Variants in SCOC observed in about 807,000 individuals in gnomAD.
SCOC encodes the protein short coiled coil protein.
Under a neutral mutation model 9.9 loss-of-function variants are expected in SCOC, and 7 were observed. The observed-to-expected ratio is 0.71, with a 90% CI of 0.40 to 1.33. SCOC has a LOEUF of 1.33. Ranked by LOEUF, SCOC falls within the 40% of genes most tolerant of loss-of-function variation. The probability of loss-of-function intolerance (pLI) is 0.01; values close to 1 mark genes in which losing one functional copy is unlikely to be tolerated. For missense variants in SCOC, 66 were observed against 89.7 expected (o/e 0.74, Z 1.07); for synonymous variants, 19 against 28.2 (o/e 0.67, Z 1.03).
intron 1 of SCOC, among the ~76,000 whole-genome samples, chr4:140,309,167 T>C (rs1732078713): frequency 6.6e-6 from 1 of 152,108 alleles, no homozygotes; most frequent in African/African-American, 2.4e-5. Flanking sequence ...GTTTTACAGG[T>C]GAAGAAACTG....
At chr4:140,291,208 G>A (rs973714731) in intron 1 of SCOC, among the ~76,000 whole-genome samples, 3 of 152,212 alleles carry the variant, frequency 2.0e-5, no homozygotes, top group Non-Finnish European at 4.4e-5. Flanking sequence ...ATATTCTTAA[G>A]TGTGGTATTG....
At chr4:140,371,870 C>T (rs2126582295), upstream of SCOC, among the ~76,000 whole-genome samples, 1 of 152,258 alleles carries the variant, frequency 6.6e-6, no homozygotes, top group Non-Finnish European at 1.5e-5. Flanking sequence ...TAAGCGTCCA[C>T]TGATAGATGA....
intron 2 of SCOC, among the ~76,000 whole-genome samples, chr4:140,346,255 A>C (rs975180778): frequency 6.6e-6 from 1 of 152,160 alleles, no homozygotes; most frequent in African/African-American, 2.4e-5. Flanking sequence ...AACTGTAAGG[A>C]TTATAGGCCC....
Position 140,262,441 on chromosome 4 carries a change from T to C in SCOC, c.-19+5031T>C, listed in dbSNP as rs1730652353. On this transcript the variant is annotated intron_variant, in intron 1 of 4. Transcript: ENST00000394205. ...CTCCATGTTGAAGACCTCCTATCTT[T>C]GGCACATTGGATTAAAACTATAATC... Among the ~76,000 whole-genome samples the C allele has an allele frequency of 2.0e-5, 3 of 152,314 alleles. No individual in the cohort carries two copies. The South Asian group carries it at 6.2e-4, about 32-fold the overall frequency.
At chr4:140,276,900 C>T (rs35737058) in intron 1 of SCOC, among the ~76,000 whole-genome samples, 13,757 of 152,128 alleles carry the variant, frequency 0.09, 984 homozygotes, top group East Asian at 0.28. Flanking sequence ...TATTGGACTG[C>T]AGATCAAGAA....
chr4:140,287,088 T>G (rs1731295816), intron 1 of SCOC, among the ~76,000 whole-genome samples: 1 of 150,018 alleles, frequency 6.7e-6, no homozygotes, highest in Non-Finnish European at 1.5e-5. Context: ...CATGCACATA[T>G]AGATACCATA....
intron 2 of SCOC, among the ~76,000 whole-genome samples, chr4:140,348,592 AT>A (rs1726845134): frequency 6.6e-6 from 1 of 150,544 alleles, no homozygotes; most frequent in Admixed American, 6.7e-5. Context: ...ACACACACAC[AT>A]CACATTTTCT....
At chr4:140,313,614 A>G (rs1364736042) in intron 1 of SCOC, among the ~76,000 whole-genome samples, 1 of 152,136 alleles carries the variant, frequency 6.6e-6, no homozygotes. Flanking sequence ...CAGAAAATTG[A>G]TATCTTTTAT....
At chr4:140,379,541 A>G in intron 2 of SCOC, 28 bp from the exon 3 acceptor site, 1 of 1,506,486 alleles carries the variant, frequency 6.6e-7, no homozygotes, top group Non-Finnish European at 9.2e-7. Context: ...ATGCTAATTA[A>G]TAGTAAATTT....
rs574997483 is a variant in SCOC, at chr4:140,277,330, TA to T, written c.-19+19921del. 1.5e-3 allele frequency among the ~76,000 whole-genome samples: 234 copies of T among 151,902 alleles called. 4 individuals are homozygous for T. The highest frequency in any genetic ancestry group is 5.5e-3 in the African/African-American group (229 of 41,440). ...TGTATGAGTTGGGGGGGGCAGGGGG[TA>T]GGGGAGCTGTTGTGAATCACCAAGT... On this transcript the variant is annotated intron_variant, in intron 1 of 4. Coordinates refer to the SCOC transcript ENST00000394205.
chr4:140,266,839 T>C (rs755875880), intron 1 of SCOC, among the ~76,000 whole-genome samples: 1 of 152,054 alleles, frequency 6.6e-6, no homozygotes, highest in South Asian at 2.1e-4. Flanking sequence ...AGAGAAAAAG[T>C]AAGGGAGAGA....
intron 1 of SCOC, among the ~76,000 whole-genome samples, chr4:140,274,710 T>A (rs1364030046): frequency 6.6e-6 from 1 of 152,184 alleles, no homozygotes; most frequent in African/African-American, 2.4e-5. Context: ...AAGACCTGGG[T>A]TATCACTTTT....
At chr4:140,347,231 T>G (rs1467303804) in intron 2 of SCOC, among the ~76,000 whole-genome samples, 4 of 152,160 alleles carry the variant, frequency 2.6e-5, no homozygotes, top group Non-Finnish European at 4.4e-5. Context: ...TCTAAACACT[T>G]AATATATGGA....
At chr4:140,373,800 G>A (rs1728185030) in intron 1 of SCOC, 83 bp downstream of exon 1, 3 of 1,401,612 alleles carry the variant, frequency 2.1e-6, no homozygotes, top group East Asian at 5.0e-5. Context: ...CCTGGAGGGC[G>A]GGGCGGGCTG....
At chr4:140,279,934 C>T (rs953895828) in intron 1 of SCOC, among the ~76,000 whole-genome samples, 2 of 152,144 alleles carry the variant, frequency 1.3e-5, no homozygotes, top group African/African-American at 4.8e-5. Context: ...GATGGATGCT[C>T]TAGCTTTCAA....
intron 2 of SCOC, among the ~76,000 whole-genome samples, chr4:140,347,111 G>A (rs1043161870): frequency 6.6e-6 from 1 of 152,102 alleles, no homozygotes; most frequent in African/African-American, 2.4e-5. Flanking sequence ...AAATAAGTGC[G>A]TTCCTTTAAG....
chr4:140,331,057 G>T (rs1732803298), intron 1 of SCOC, among the ~76,000 whole-genome samples: 1 of 152,174 alleles, frequency 6.6e-6, no homozygotes, highest in African/African-American at 2.4e-5. Flanking sequence ...CTCTGTGCAA[G>T]GCTAACATCC....
upstream of SCOC, among the ~76,000 whole-genome samples, chr4:140,342,574 G>A (rs1245484863): frequency 6.6e-6 from 1 of 151,792 alleles, no homozygotes; most frequent in East Asian, 1.9e-4. Context: ...GCTTGATATA[G>A]TAACAATGAA....
At chr4:140,327,636 GTT>G (rs1441474089) in intron 1 of SCOC, among the ~76,000 whole-genome samples, 2 of 152,136 alleles carry the variant, frequency 1.3e-5, no homozygotes, top group South Asian at 4.1e-4. Context: ...CAAAACAAAT[GTT>G]TTGTTTGAAA....
Sources: gnomAD v4.1 joint callset for allele counts (sites outside exome capture counted in the v4.1 genomes callset) on GRCh38, gnomAD v4.1.1 for gene constraint, MANE v1.5 for transcripts, NCBI Gene and HGNC (gene_info 2026-07-23, HGNC 2026-07-21) for gene names.